Variants in PRKN observed in about 807,000 individuals in gnomAD.
The protein encoded by PRKN is E3 ubiquitin-protein ligase parkin.
PRKN carries 56 observed loss-of-function variants against 59.5 expected under a neutral mutation model. The ratio of observed to expected loss-of-function variants is 0.94; its 90% CI spans 0.76 to 1.18. The LOEUF is 1.18. Among genes scored for constraint, PRKN ranks in the 50% most tolerant of loss-of-function variants. The probability of loss-of-function intolerance (pLI) is 0.00; values close to 1 mark genes in which losing one functional copy is unlikely to be tolerated. For missense variants in PRKN, 657 were observed against 596.4 expected (o/e 1.10, Z -1.06); for synonymous variants, 250 against 222.1 (o/e 1.13, Z -1.12).
intron 1 of PRKN, among the ~76,000 whole-genome samples, chr6:162,661,350 T>C (rs981819183): frequency 6.6e-6 from 1 of 152,204 alleles, no homozygotes; most frequent in Non-Finnish European, 1.5e-5. Context: ...AACAAGTTTC[T>C]AATGTAATTT....
chr6:162,583,957 T>C (rs1432754693), intron 1 of PRKN, among the ~76,000 whole-genome samples: 1 of 152,174 alleles, frequency 6.6e-6, no homozygotes. Flanking sequence ...CTCACGCCTG[T>C]AATCCCAGCA....
At chr6:162,167,227 T>C (rs1436524037) in intron 4 of PRKN, among the ~76,000 whole-genome samples, 1 of 152,214 alleles carries the variant, frequency 6.6e-6, no homozygotes, top group Non-Finnish European at 1.5e-5. Flanking sequence ...GAAATATCTG[T>C]TGCGATAGAG....
intron 7 of PRKN, among the ~76,000 whole-genome samples, chr6:161,643,634 T>C (rs76419523): frequency 0.02 from 3,046 of 152,308 alleles, 91 homozygotes; most frequent in African/African-American, 0.07. Flanking sequence ...TATAACTATC[T>C]CTCAATAGCT....
At chr6:161,517,875 G>C (rs191588181) in intron 9 of PRKN, among the ~76,000 whole-genome samples, 1 of 152,060 alleles carries the variant, frequency 6.6e-6, no homozygotes, top group Non-Finnish European at 1.5e-5. Flanking sequence ...CTATGCAAGA[G>C]GTAGCCATTT....
intron 7 of PRKN, among the ~76,000 whole-genome samples, chr6:161,687,931 C>A (rs1177533419): frequency 2.0e-5 from 3 of 152,138 alleles, no homozygotes; most frequent in Admixed American, 1.3e-4. Context: ...TGTTTCCCAA[C>A]ATACTTTCCT....
At chr6:161,951,917 TAAA>T (rs34079539) in intron 6 of PRKN, among the ~76,000 whole-genome samples, 4 of 143,702 alleles carry the variant, frequency 2.8e-5, no homozygotes, top group Admixed American at 7.0e-5. Context: ...GACTCCATCT[TAAA>T]AAAAAAAAAA....
At position 162,501,254 on chromosome 6, in the gene PRKN, A is replaced by G. The variant is rs534667471; in HGVS notation, c.8-57781T>C. On this transcript the variant is annotated intron_variant, in intron 1 of 11. Coordinates refer to ENST00000366898, the MANE Select transcript of PRKN (RefSeq NM_004562.3). ...GTGGAGTTTGGATCAGTGAGGGTTG[A>G]TGGGGAAAAATGTAAATATAGCAGT... 1.4e-4 allele frequency among the ~76,000 whole-genome samples: 21 copies of G among 152,226 alleles called. No homozygotes were observed. The South Asian group carries it at 4.4e-3, about 32-fold the overall frequency.
Position 161,429,290 on chromosome 6 carries a change from C to T in PRKN, c.1084-42413G>A, listed in dbSNP as rs1296520039. ...TAGGTGCTGGGCTAGGTGTGGAATA[C>T]AATGGTAAACAAGATTGAGAAAGTT... On this transcript the variant is annotated intron_variant, in intron 9 of 11. Coordinates refer to ENST00000366898, the MANE Select transcript of PRKN (RefSeq NM_004562.3). The surrounding 1 kb of genome is among the most constrained non-coding windows in gnomAD (Gnocchi z 4.2). Among the ~76,000 whole-genome samples, 3 of 152,124 alleles carry T rather than the reference C, an allele frequency of 2.0e-5. No individual in the cohort carries two copies. The highest frequency in any genetic ancestry group is 1.3e-4 in the Admixed American group (2 of 15,262).
At chr6:161,952,013 T>A (rs1257807398) in intron 6 of PRKN, among the ~76,000 whole-genome samples, 1 of 152,092 alleles carries the variant, frequency 6.6e-6, no homozygotes, top group East Asian at 1.9e-4. Context: ...CCAGGATTTT[T>A]AAAAAACATT....
intron 1 of PRKN, among the ~76,000 whole-genome samples, chr6:162,464,027 C>T (rs1041114894): frequency 6.6e-6 from 1 of 152,074 alleles, no homozygotes; most frequent in Non-Finnish European, 1.5e-5. Context: ...TCAAAGACTG[C>T]CCTGACCTTT....
intron 1 of PRKN, among the ~76,000 whole-genome samples, chr6:162,625,210 T>C (rs574316158): frequency 9.0e-4 from 137 of 152,336 alleles, no homozygotes; most frequent in Non-Finnish European, 1.4e-3. Flanking sequence ...ACGATGAGCG[T>C]GTAACTGAGC....
At chr6:162,213,801 CCATACA>C (rs1413253156) in intron 3 of PRKN, among the ~76,000 whole-genome samples, 241 of 67,456 alleles carry the variant, frequency 3.6e-3, no homozygotes, top group Non-Finnish European at 5.3e-3. Context: ...CAAAAAAAAA[CCATACA>C]CACACACACA....
chr6:162,561,739 G>A (rs925934297), intron 1 of PRKN, among the ~76,000 whole-genome samples: 1 of 152,152 alleles, frequency 6.6e-6, no homozygotes, highest in Non-Finnish European at 1.5e-5. Flanking sequence ...AAACTCAGCT[G>A]ATGCCTGCCC....
At chr6:161,868,307 A>C (rs2128226107) in intron 6 of PRKN, among the ~76,000 whole-genome samples, 1 of 148,300 alleles carries the variant, frequency 6.7e-6, no homozygotes, top group East Asian at 2.0e-4. Flanking sequence ...GGCCCGGCGC[A>C]GTGGCTCACA....
intron 1 of PRKN, among the ~76,000 whole-genome samples, chr6:162,691,136 T>C (rs1181101930): frequency 6.6e-6 from 1 of 152,174 alleles, no homozygotes; most frequent in Non-Finnish European, 1.5e-5. Flanking sequence ...CCGATGATGA[T>C]AAGGAATTTT....
intron 7 of PRKN, among the ~76,000 whole-genome samples, chr6:161,614,963 CAGAGAG>C (rs71694349): frequency 0.5 from 73,697 of 147,162 alleles, 18,226 homozygotes; most frequent in East Asian, 0.63. Context: ...GAGAGGAAGA[CAGAGAG>C]AGAGAGAGAG....
At chr6:161,944,448 A>AT (rs71689522) in intron 6 of PRKN, among the ~76,000 whole-genome samples, 25 of 150,254 alleles carry the variant, frequency 1.7e-4, no homozygotes, top group Admixed American at 6.0e-4. Flanking sequence ...CCCCATCACC[A>AT]TTTTTTTTTC....
At chr6:162,678,754 A>G (rs1205261906) in intron 1 of PRKN, among the ~76,000 whole-genome samples, 5 of 152,062 alleles carry the variant, frequency 3.3e-5, no homozygotes, top group African/African-American at 4.8e-5. Flanking sequence ...TTGTCTTTTC[A>G]TTCTTTTATC....
intron 1 of PRKN, among the ~76,000 whole-genome samples, chr6:162,719,859 TGAG>T (rs1778864134): frequency 6.9e-6 from 1 of 144,430 alleles, no homozygotes; most frequent in Non-Finnish European, 1.5e-5. Flanking sequence ...AAGAAAAAAA[TGAG>T]GGGACAGAAA....
Sources: gnomAD v4.1 joint callset for allele counts (sites outside exome capture counted in the v4.1 genomes callset) on GRCh38, gnomAD v4.1.1 for gene constraint, Gnocchi (gnomAD v3.1) non-coding constraint, MANE v1.5 for transcripts, NCBI Gene and HGNC (gene_info 2026-07-23, HGNC 2026-07-21) for gene names.